TTBK1: variants seen among roughly 807,000 people sequenced by gnomAD.
TTBK1 encodes the protein tau tubulin kinase 1.
In TTBK1, 34 loss-of-function variants were observed where a neutral mutation model predicts 108.5. That is an observed-to-expected ratio of 0.31 (90% CI 0.24 to 0.42). The LOEUF (loss-of-function observed/expected upper bound fraction) is 0.42. Among genes scored for constraint, TTBK1 ranks in the 10% least tolerant of loss-of-function variants. TTBK1 has a pLI of 1.00. For synonymous variants in TTBK1, 809 were observed against 795.1 expected, an observed-to-expected ratio of 1.02 and a Z score of -0.29; for missense variants, 1,539 against 1,826.0, an observed-to-expected ratio of 0.84 and a Z score of 2.86.
chr6:43,252,724 C>G lies in TTBK1; in HGVS notation c.109-15C>G. On this transcript the variant is annotated splice_polypyrimidine_tract_variant and intron_variant, in intron 2 of 14. Coordinates refer to ENST00000259750, the MANE Select transcript of TTBK1 (RefSeq NM_032538.3). ...GCCTGATCCCTGAGCACCCCCTATC[C>G]CCTCATCTTCATAGCTGAAAAAGAT... The G allele has an allele frequency of 6.2e-7, 1 of 1,613,692 alleles. No individual in the cohort carries two copies. Among genetic ancestry groups the G allele is most frequent in the East Asian group, 2.2e-5 (1 of 44,866 alleles).
chr6:43,265,408 T>A lies in TTBK1; in HGVS notation c.1986+2058T>A, dbSNP rs1777649958. 6.6e-6 allele frequency among the ~76,000 whole-genome samples: 1 copy of A among 152,154 alleles called. No individual in the cohort carries two copies. Among genetic ancestry groups the A allele is most frequent in the African/African-American group, 2.4e-5 (1 of 41,418 alleles). ...GAGCTGTGATCCTGGGGAGTATGCA[T>A]CCAGGCCTTGCCTGGACACTGGAAA... On this transcript the variant is annotated intron_variant, in intron 13 of 14. Coordinates refer to ENST00000259750, the MANE Select transcript of TTBK1 (RefSeq NM_032538.3). This position sits in a 1 kb window ranked among gnomAD's most constrained non-coding sequence, Gnocchi z 4.1.
At position 43,284,139 on chromosome 6, in the gene TTBK1, G is replaced by A. The variant is rs1451958534; in HGVS notation, c.3399G>A (p.Thr1133=). The change falls in exon 14 of 15, where the codon ACG becomes ACA. Residue 1133 remains threonine, a synonymous_variant. Coordinates refer to ENST00000259750, the MANE Select transcript of TTBK1 (RefSeq NM_032538.3). ...TLSGTGSEED[T]PASEPAAALP... ...CAGGCACGGGCTCTGAGGAGGACAC[G>A]CCCGCCTCTGAGCCGGCAGCGGCCT... is the stretch of plus-strand genomic sequence containing the variant. 11 of 1,541,944 alleles carry A rather than the reference G, an allele frequency of 7.1e-6. No individual in the cohort carries two copies. The highest frequency in any genetic ancestry group is 2.7e-5 in the African/African-American group (2 of 73,258).
intron 13 of TTBK1, among the ~76,000 whole-genome samples, chr6:43,279,041 C>G (rs1340519210): frequency 6.6e-6 from 1 of 152,220 alleles, no homozygotes; most frequent in African/African-American, 2.4e-5. Context: ...CTGGGCCACC[C>G]TGGTGGATGT....
At chr6:43,264,780 C>G (rs1777633487) in intron 13 of TTBK1, among the ~76,000 whole-genome samples, 1 of 152,010 alleles carries the variant, frequency 6.6e-6, no homozygotes, top group Non-Finnish European at 1.5e-5. Context: ...GCTCTGAGAG[C>G]CAGGTGGATG....
chr6:43,275,558 CT>C (rs1384817172), intron 13 of TTBK1, among the ~76,000 whole-genome samples: 1 of 151,964 alleles, frequency 6.6e-6, no homozygotes, highest in Non-Finnish European at 1.5e-5. Flanking sequence ...CGCCCCACCC[CT>C]GACTCCCGTT....
chr6:43,272,894 C>T (rs1424891781), intron 13 of TTBK1, among the ~76,000 whole-genome samples: 1 of 150,972 alleles, frequency 6.6e-6, no homozygotes, highest in Non-Finnish European at 1.5e-5. Flanking sequence ...GTGTAGCCTC[C>T]TCGGGGTCAG....
At chr6:43,271,628 A>T in intron 13 of TTBK1, 1 of 985,268 alleles carries the variant, frequency 1.0e-6, no homozygotes, top group Non-Finnish European at 1.2e-6. Flanking sequence ...GGGTGCCATA[A>T]GTGTGGTGGG....
chr6:43,247,801 C>G (rs1346380246), intron 2 of TTBK1, among the ~76,000 whole-genome samples: 1 of 152,194 alleles, frequency 6.6e-6, no homozygotes, highest in Non-Finnish European at 1.5e-5. Flanking sequence ...CCCTAGAAAC[C>G]TAGAAAGAGG....
Position 43,284,994 on chromosome 6 carries a change from A to G in TTBK1, c.3584A>G (p.Gln1195Arg). 1 of 1,516,586 alleles carries G rather than the reference A, an allele frequency of 6.6e-7. No homozygotes were observed. The highest frequency in any genetic ancestry group is 8.8e-7 in the Non-Finnish European group (1 of 1,137,906). The allele number at this position is 1,516,586 out of a possible 1,614,324, so 93.9% of individuals were successfully genotyped here. A position where few individuals can be genotyped will look rare whatever the true frequency, so the allele number is the denominator to read the frequency against. The change falls in exon 15 of 15, where the codon CAG (glutamine) becomes CGG (arginine). Residue 1195 changes from glutamine to arginine, a missense_variant. Transcript: ENST00000259750. Reference sequence around the variant, plus strand: ...CTGCTCTCAAGCAGGCTCCAGCTGCAGACGCCCCCAGGGTCGGCCACTGCT... The same window carrying G: ...CTGCTCTCAAGCAGGCTCCAGCTGCGGACGCCCCCAGGGTCGGCCACTGCT... ...DTAITSRLQL[Q>R]TPPGSATAAD...
chr6:43,252,182 C>CTGTGTGTGTG lies in TTBK1; in HGVS notation c.109-523_109-514dup, dbSNP rs58985204. Among the ~76,000 whole-genome samples, 569 of 140,096 alleles carry CTGTGTGTGTG rather than the reference C, an allele frequency of 4.1e-3. 8 individuals are homozygous for CTGTGTGTGTG. Among genetic ancestry groups the CTGTGTGTGTG allele is most frequent in the African/African-American group, 0.014 (496 of 36,608 alleles). The allele number at this position is 140,096 out of a possible 152,430, so 91.9% of individuals were successfully genotyped here. A position where few individuals can be genotyped will look rare whatever the true frequency, so the allele number is the denominator to read the frequency against. On this transcript the variant is annotated intron_variant, in intron 2 of 14. Coordinates refer to ENST00000259750, the MANE Select transcript of TTBK1 (RefSeq NM_032538.3). Reference sequence around the variant, plus strand: ...TTTTACCCTTTCCTGACATCTGGCTCTGTGTGTGTGTGTGTGTGTGTGTGT... The same window carrying CTGTGTGTGTG: ...TTTTACCCTTTCCTGACATCTGGCTCTGTGTGTGTGTGTGTGTGTGTGTGTGTGTGTGTGT...
chr6:43,287,471 A>T lies in TTBK1; in HGVS notation c.*2095A>T, dbSNP rs1032977681. On this transcript the variant is annotated 3_prime_UTR_variant, in exon 15 of 15. Transcript: ENST00000259750. This position sits in a 1 kb window ranked among gnomAD's most constrained non-coding sequence, Gnocchi z 4.1. Reference sequence around the variant, plus strand: ...GAAGAAGGGGGCCTGAGAGAGCCCCAGGTCCATTCTACCCCCAGCTTCACT... The same window carrying T: ...GAAGAAGGGGGCCTGAGAGAGCCCCTGGTCCATTCTACCCCCAGCTTCACT... The T allele has an allele frequency of 6.6e-6, 1 of 152,594 alleles. No individual in the cohort carries two copies. The highest frequency in any genetic ancestry group is 1.5e-5 in the Non-Finnish European group (1 of 68,120). The allele number at this position is 152,594 out of a possible 1,614,324, so 9.5% of individuals were successfully genotyped here. A position where few individuals can be genotyped will look rare whatever the true frequency, so the allele number is the denominator to read the frequency against.
chr6:43,282,982 G>A lies in TTBK1; in HGVS notation c.2242G>A (p.Asp748Asn), dbSNP rs1778219229. 2 of 1,593,930 alleles carry A rather than the reference G, an allele frequency of 1.3e-6. No homozygotes were observed. Among genetic ancestry groups the A allele is most frequent in the South Asian group, 1.1e-5 (1 of 89,750 alleles). ...GGAAGATGAGGAAGAGGAAGAAGAGGATGAGGAAGAAGAAGAGGAGGAAGA... is the reference window on the plus strand; with the variant it reads ...GGAAGATGAGGAAGAGGAAGAAGAGAATGAGGAAGAAGAAGAGGAGGAAGA... ...EEEDEEEEEEDEEEEEEEEEE... is the reference protein window; with the variant it reads ...EEEDEEEEEENEEEEEEEEEE... The change falls in exon 14 of 15, where the codon GAT (aspartate) becomes AAT (asparagine). Residue 748 changes from aspartate to asparagine, a missense_variant. Around this residue, in one of 5 missense-constraint regions of TTBK1, gnomAD observed 1,055 missense variants for 1,086.5 expected, o/e 0.97. Coordinates refer to ENST00000259750, the MANE Select transcript of TTBK1 (RefSeq NM_032538.3). This position sits in a 1 kb window ranked among gnomAD's most constrained non-coding sequence, Gnocchi z 5.4.
intron 1 of TTBK1, among the ~76,000 whole-genome samples, chr6:43,244,391 G>A (rs1044431227): frequency 1.3e-5 from 2 of 151,840 alleles, no homozygotes; most frequent in African/African-American, 2.4e-5. Context: ...CCAGTTCCAC[G>A]TACCCCTGTG....
At chr6:43,268,279 C>T (rs1193607445) in intron 13 of TTBK1, among the ~76,000 whole-genome samples, 1 of 152,224 alleles carries the variant, frequency 6.6e-6, no homozygotes, top group African/African-American at 2.4e-5. Context: ...GCCTCTGTCC[C>T]TTGGCCTCTC....
Position 43,269,966 on chromosome 6 carries a change from C to T in TTBK1, c.1986+6616C>T, listed in dbSNP as rs963889163. ...ACAAGACCTAGGCTGGGCCCCCCCC[C>T]TCCTGGAGGGGGCAGGTGGGGGGGG... On this transcript the variant is annotated intron_variant, in intron 13 of 14. Coordinates refer to ENST00000259750, the MANE Select transcript of TTBK1 (RefSeq NM_032538.3). This position sits in a 1 kb window ranked among gnomAD's most constrained non-coding sequence, Gnocchi z 4.8. The T allele has an allele frequency of 1.1e-4, 160 of 1,433,432 alleles. No homozygotes were observed. Among genetic ancestry groups the T allele is most frequent in the Admixed American group, 3.1e-4 (11 of 35,534 alleles). The allele number at this position is 1,433,432 out of a possible 1,614,324, so 88.8% of individuals were successfully genotyped here.
intron 13 of TTBK1, chr6:43,271,239 T>A (rs1777825239): frequency 2.0e-6 from 2 of 985,348 alleles, no homozygotes; most frequent in Non-Finnish European, 1.2e-6. Context: ...TGAGACTGTG[T>A]CTGTATGTTT....
At position 43,253,278 on chromosome 6, in the gene TTBK1, C is replaced by T. The variant is rs1199622203; in HGVS notation, c.257-13C>T. On this transcript the variant is annotated splice_polypyrimidine_tract_variant and intron_variant, in intron 3 of 14. Coordinates refer to ENST00000259750, the MANE Select transcript of TTBK1 (RefSeq NM_032538.3). The surrounding 1 kb of genome is among the most constrained non-coding windows in gnomAD (Gnocchi z 5.8). ...AGAGTAAGAGCTGGAAGACCTATGTCTGTGCCCCTCAGGGAAGGACCATGT... is the reference window on the plus strand; with the variant it reads ...AGAGTAAGAGCTGGAAGACCTATGTTTGTGCCCCTCAGGGAAGGACCATGT... 2 of 1,614,002 alleles carry T rather than the reference C, an allele frequency of 1.2e-6. No individual in the cohort carries two copies. The highest frequency in any genetic ancestry group is 1.1e-5 in the South Asian group (1 of 91,090).
chr6:43,245,721 A>C (rs549369494), intron 1 of TTBK1, among the ~76,000 whole-genome samples: 1 of 152,100 alleles, frequency 6.6e-6, no homozygotes, highest in South Asian at 2.1e-4. Flanking sequence ...ATTCGAGGAG[A>C]GATGTGTTCT....
chr6:43,276,826 G>A lies in TTBK1; in HGVS notation c.1987-5901G>A, dbSNP rs1046682301. ...AGTTCTGGGTCAGTGGATGAGCTTC[G>A]TCCACACCTTAGCCAGGCAGCTGGG... On this transcript the variant is annotated intron_variant, in intron 13 of 14. Coordinates refer to ENST00000259750, the MANE Select transcript of TTBK1 (RefSeq NM_032538.3). This position sits in a 1 kb window ranked among gnomAD's most constrained non-coding sequence, Gnocchi z 5.4. Among the ~76,000 whole-genome samples, 1 of 152,062 alleles carries A rather than the reference G, an allele frequency of 6.6e-6. No homozygotes were observed. Among genetic ancestry groups the A allele is most frequent in the Non-Finnish European group, 1.5e-5 (1 of 67,998 alleles).
Sources: allele counts gnomAD v4.1 joint callset (sites outside exome capture counted in the v4.1 genomes callset), GRCh38; gene constraint gnomAD v4.1.1; regional missense constraint gnomAD v4.1.1; non-coding constraint Gnocchi (gnomAD v3.1); transcripts MANE v1.5; gene names NCBI Gene and HGNC (gene_info 2026-07-23, HGNC 2026-07-21).